Variants in KCNH5 observed in about 807,000 individuals in gnomAD.
KCNH5 encodes the protein potassium voltage-gated channel subfamily H member 5.
In KCNH5, 46 loss-of-function variants were observed where a neutral mutation model predicts 96.1. That is an observed-to-expected ratio of 0.48 (90% CI 0.38 to 0.61). KCNH5 has a LOEUF of 0.61. Ranked by LOEUF, KCNH5 falls within the 20% of genes least tolerant of loss-of-function variation. The pLI is 0.00. For synonymous variants in KCNH5, 439 were observed against 449.8 expected, an observed-to-expected ratio of 0.98 and a Z score of 0.30; for missense variants, 907 against 1,225.8, an observed-to-expected ratio of 0.74 and a Z score of 3.88.
Position 62,981,223 on chromosome 14 carries a change from T to C in KCNH5, c.591A>G (p.Gln197=). The C allele has an allele frequency of 6.2e-7, 1 of 1,614,188 alleles. No homozygotes were observed. Among genetic ancestry groups the C allele is most frequent in the Non-Finnish European group, 8.5e-7 (1 of 1,180,004 alleles). The change falls in exon 6 of 11, where the codon CAA becomes CAG. Residue 197 remains glutamine (Q), a synonymous_variant. Coordinates refer to ENST00000322893, the MANE Select transcript of KCNH5 (RefSeq NM_139318.5). Reference sequence around the variant, plus strand: ...TGTGTGGTGGCGTCTTTGGCGCTTCTTGTTTATACTGAGGAAGGATATCTG... The same window carrying C: ...TGTGTGGTGGCGTCTTTGGCGCTTCCTGTTTATACTGAGGAAGGATATCTG... ...LGSDILPQYK[Q]EAPKTPPHII...
rs1890953221 is a variant in KCNH5 at position 62,998,584 on chromosome 14, G to A, written c.433+2747C>T. 2.0e-5 allele frequency among the ~76,000 whole-genome samples: 3 copies of A among 152,094 alleles called. No individual in the cohort carries two copies. The South Asian group carries it at 6.2e-4, about 32-fold the overall frequency. ...ATGTCTTTCTTCTTTTCTAATATAT[G>A]CATTTAATGTTACATATTTCCCTCT... On this transcript the variant is annotated intron_variant, in intron 4 of 10. Transcript: ENST00000322893.
rs548100593 is a variant in KCNH5 at position 62,908,537 on chromosome 14, A to G, written c.1369+41596T>C. 2.0e-5 allele frequency among the ~76,000 whole-genome samples: 3 copies of G among 152,274 alleles called. No homozygotes were observed. In the South Asian group the frequency reaches 6.2e-4, roughly 32 times the overall value. On this transcript the variant is annotated intron_variant, in intron 7 of 10. Transcript: ENST00000322893. ...CTCAGTAAACCTCAAATTCAGGGAA[A>G]CTATTAGGAATCCTTCAAAGATAGG...
Position 62,700,531 on chromosome 14 carries a change from C to T in KCNH5, c.*6977G>A, listed in dbSNP as rs2139892856. 6.6e-6 allele frequency: 1 copy of T among 152,228 alleles called. No individual in the cohort carries two copies. The highest frequency in any genetic ancestry group is 2.1e-4 in the South Asian group (1 of 4,830). The allele number at this position is 152,228 out of a possible 1,614,324, so 9.4% of individuals were successfully genotyped here. Reference sequence around the variant, plus strand: ...AACATCCCTGCAGAGGTCAAAAAAGCAATTCTGACAACTGTTTTTTCCTGA... The same window carrying T: ...AACATCCCTGCAGAGGTCAAAAAAGTAATTCTGACAACTGTTTTTTCCTGA... On this transcript the variant is annotated 3_prime_UTR_variant, in exon 11 of 11. Transcript: ENST00000322893.
Position 62,708,138 on chromosome 14 carries a change from A to C in KCNH5, c.2337T>G (p.Arg779=). The part of the protein sequence containing the change: ...KTSESLKQNN[R]DAMELKPNGG... ...CGTTGGGCTTGAGTTCCATGGCATC[A>C]CGGTTGTTCTGCTTAAGGGATTCAC... Residue 779 remains arginine, a synonymous_variant, in exon 11 of 11, where the codon CGT becomes CGG. Transcript: ENST00000322893. The C allele has an allele frequency of 6.2e-7, 1 of 1,614,108 alleles. No individual in the cohort carries two copies. The highest frequency in any genetic ancestry group is 8.5e-7 in the Non-Finnish European group (1 of 1,180,032).
intron 9 of KCNH5, among the ~76,000 whole-genome samples, chr14:62,788,996 A>G (rs1053098664): frequency 3.3e-5 from 5 of 152,058 alleles, no homozygotes; most frequent in African/African-American, 1.2e-4. Context: ...ATTATTAGCT[A>G]TAGTCTTCAT....
At chr14:62,795,429 A>G (rs1886520476) in intron 9 of KCNH5, among the ~76,000 whole-genome samples, 1 of 152,168 alleles carries the variant, frequency 6.6e-6, no homozygotes, top group African/African-American at 2.4e-5. Context: ...TTTTCTTGTC[A>G]TTATTCCCTA....
In KCNH5 at chr14:62,701,253, C is replaced by A. The variant is rs1884343864; in HGVS notation, c.*6255G>T. 6.6e-6 allele frequency: 1 copy of A among 152,132 alleles called. No individual in the cohort carries two copies. The highest frequency in any genetic ancestry group is 2.4e-5 in the African/African-American group (1 of 41,460). 9.4% of individuals were successfully genotyped at this position (152,132 alleles called of 1,614,324 possible). On this transcript the variant is annotated 3_prime_UTR_variant, in exon 11 of 11. Transcript: ENST00000322893. ...AAGGCCCCAGCATTTGACAAGCTTT[C>A]AAACTGCTTCCAAAGGTTTTTGTTA...
chr14:62,897,843 C>T (rs767551176), intron 7 of KCNH5, among the ~76,000 whole-genome samples: 1 of 152,080 alleles, frequency 6.6e-6, no homozygotes, highest in African/African-American at 2.4e-5. Flanking sequence ...CTTCCCACAA[C>T]AAATTGAGGG....
intron 10 of KCNH5, among the ~76,000 whole-genome samples, chr14:62,730,987 A>G (rs1273527074): frequency 1.3e-5 from 2 of 152,164 alleles, no homozygotes; most frequent in Non-Finnish European, 2.9e-5. Context: ...ATTGAAAATT[A>G]TAATTGGCTA....
At chr14:62,960,918 G>C (rs1890193928) in intron 6 of KCNH5, among the ~76,000 whole-genome samples, 1 of 152,086 alleles carries the variant, frequency 6.6e-6, no homozygotes, top group South Asian at 2.1e-4. Context: ...GGCATAAATG[G>C]CCAGACAGAC....
In KCNH5 at chr14:62,860,745, C is replaced by T. The variant is rs559946665; in HGVS notation, c.1370-10893G>A. Reference sequence around the variant, plus strand: ...CCCATTGCTTAAGGCATCACACCCTCCTAGTTGGTGCAGTTGCCCATCTAA... The same window carrying T: ...CCCATTGCTTAAGGCATCACACCCTTCTAGTTGGTGCAGTTGCCCATCTAA... On this transcript the variant is annotated intron_variant, in intron 7 of 10. Transcript: ENST00000322893. Among the ~76,000 whole-genome samples the T allele has an allele frequency of 3.3e-5, 5 of 152,344 alleles. No individual in the cohort carries two copies. The East Asian group carries it at 9.6e-4, about 29-fold the overall frequency.
At position 62,753,577 on chromosome 14, in the gene KCNH5, G is replaced by T. The variant is rs552791124; in HGVS notation, c.2019+26151C>A. On this transcript the variant is annotated intron_variant, in intron 10 of 10. Transcript: ENST00000322893. ...CTCCCACAGGCCAAGGGTAAAGAAAGGTTCCTAAAAGCAGGAGGAGAAAAG... is the reference window on the plus strand; with the variant it reads ...CTCCCACAGGCCAAGGGTAAAGAAATGTTCCTAAAAGCAGGAGGAGAAAAG... Among the ~76,000 whole-genome samples, 4 of 152,226 alleles carry T rather than the reference G, an allele frequency of 2.6e-5. No individual in the cohort carries two copies. In the South Asian group the frequency reaches 8.3e-4, roughly 32 times the overall value.
At chr14:63,000,807 C>A (rs1036559315) in intron 4 of KCNH5, among the ~76,000 whole-genome samples, 1 of 152,262 alleles carries the variant, frequency 6.6e-6, no homozygotes. Flanking sequence ...AGGTGTATGG[C>A]CCACGTCTGT....
chr14:62,797,955 GA>G (rs1886574165), intron 9 of KCNH5, among the ~76,000 whole-genome samples: 1 of 152,026 alleles, frequency 6.6e-6, no homozygotes, highest in Non-Finnish European at 1.5e-5. Flanking sequence ...GACCTCAAGT[GA>G]TTAGCCCACC....
intron 8 of KCNH5, among the ~76,000 whole-genome samples, chr14:62,818,110 G>C (rs1002927068): frequency 1.2e-4 from 8 of 67,284 alleles, no homozygotes; most frequent in South Asian, 1.2e-3. Context: ...AGCTGGGGGC[G>C]GGGGGGGGGT....
In KCNH5 at chr14:62,802,380, C is replaced by T; in HGVS notation, c.1771G>A (p.Val591Met). 1 of 1,614,146 alleles carries T rather than the reference C, an allele frequency of 6.2e-7. No individual in the cohort carries two copies. ...GESVDALCFV[V>M]SGSLEVIQDD... is the part of the protein sequence containing the mutation. ...TGGATGACTTCCAAGGATCCTGACA[C>T]CACAAAGCAGAGGGCATCCACACTT... The change falls in exon 9 of 11, where the codon GTG becomes ATG. Residue 591 changes from valine to methionine, a missense_variant. Physicochemically the swap from Val to Met is conservative, Grantham distance 21. Coordinates refer to ENST00000322893, the MANE Select transcript of KCNH5 (RefSeq NM_139318.5).
chr14:62,992,723 T>A (rs113876854), intron 4 of KCNH5, among the ~76,000 whole-genome samples: 146 of 152,222 alleles, frequency 9.6e-4, no homozygotes, highest in African/African-American at 3.2e-3. Context: ...TAGTCCTCTG[T>A]TGAATAAATA....
chr14:62,713,864 A>T (rs1421150551), intron 10 of KCNH5, among the ~76,000 whole-genome samples: 1 of 152,204 alleles, frequency 6.6e-6, no homozygotes, highest in African/African-American at 2.4e-5. Flanking sequence ...CAGCTTTATG[A>T]CCTAAGCTCC....
intron 10 of KCNH5, among the ~76,000 whole-genome samples, chr14:62,713,006 C>G (rs1884604616): frequency 6.6e-6 from 1 of 152,176 alleles, no homozygotes; most frequent in Non-Finnish European, 1.5e-5. Flanking sequence ...TCCCTGGACT[C>G]TGACATCAAC....
Sources: allele counts gnomAD v4.1 joint callset (sites outside exome capture counted in the v4.1 genomes callset), GRCh38; gene constraint gnomAD v4.1.1; transcripts MANE v1.5; gene names NCBI Gene and HGNC (gene_info 2026-07-23, HGNC 2026-07-21).